Variants in CD86 observed in about 807,000 individuals in gnomAD.
The protein encoded by CD86 is T-lymphocyte activation antigen CD86.
CD86 carries 11 observed loss-of-function variants against 32.1 expected under a neutral mutation model. The observed-to-expected ratio is 0.34, with a 90% CI of 0.22 to 0.57. CD86 has a LOEUF of 0.57. Among genes scored for constraint, CD86 ranks in the 20% least tolerant of loss-of-function variants. The pLI, the probability that CD86 is intolerant of heterozygous loss-of-function variation, is 0.86. For synonymous variants in CD86, 137 were observed against 135.3 expected, an observed-to-expected ratio of 1.01 and a Z score of -0.09; for missense variants, 359 against 398.4, an observed-to-expected ratio of 0.90 and a Z score of 0.84.
chr3:122,060,238 G>A (rs913216769), intron 1 of CD86, among the ~76,000 whole-genome samples: 1 of 152,164 alleles, frequency 6.6e-6, no homozygotes, highest in Non-Finnish European at 1.5e-5. Context: ...GCAGAAAGGC[G>A]AAGTAGGAGA....
chr3:122,064,818 T>C (rs1299271956), intron 1 of CD86, among the ~76,000 whole-genome samples: 1 of 152,178 alleles, frequency 6.6e-6, no homozygotes, highest in Non-Finnish European at 1.5e-5. Context: ...ACTATTATAT[T>C]GGGGCCCAGG....
chr3:122,116,487 C>T (rs2073252825), intron 5 of CD86, among the ~76,000 whole-genome samples: 1 of 152,158 alleles, frequency 6.6e-6, no homozygotes, highest in African/African-American at 2.4e-5. Context: ...TGATAAACAT[C>T]AAGTGTTGGA....
At chr3:122,112,888 A>G (rs1374080398) in intron 5 of CD86, among the ~76,000 whole-genome samples, 1 of 152,176 alleles carries the variant, frequency 6.6e-6, no homozygotes. Context: ...GAACTAAACT[A>G]GGTGGTTTTT....
intron 3 of CD86, among the ~76,000 whole-genome samples, chr3:122,104,897 T>A (rs1261800284): frequency 6.6e-6 from 1 of 152,172 alleles, no homozygotes; most frequent in Non-Finnish European, 1.5e-5. Flanking sequence ...ATGTACAGGT[T>A]TTTGTGTGAA....
At chr3:122,061,641 C>T (rs1160931968) in intron 1 of CD86, among the ~76,000 whole-genome samples, 2 of 152,128 alleles carry the variant, frequency 1.3e-5, no homozygotes. Flanking sequence ...AAAAATTAAA[C>T]CACTACCTAC....
chr3:122,065,972 G>A (rs2072407266), intron 1 of CD86, among the ~76,000 whole-genome samples: 1 of 152,146 alleles, frequency 6.6e-6, no homozygotes, highest in Non-Finnish European at 1.5e-5. Flanking sequence ...GCTGACCCAA[G>A]ATTCTGTTTC....
intron 5 of CD86, among the ~76,000 whole-genome samples, chr3:122,114,491 T>A (rs1264258290): frequency 6.6e-6 from 1 of 152,134 alleles, no homozygotes; most frequent in Admixed American, 6.5e-5. Context: ...CTATGATTGC[T>A]CTAGTTTGCT....
chr3:122,070,539 G>C (rs2072475208), intron 1 of CD86, among the ~76,000 whole-genome samples: 2 of 152,222 alleles, frequency 1.3e-5, no homozygotes, highest in South Asian at 4.1e-4. Flanking sequence ...TGCTTTTAAA[G>C]TACAAGTTAA....
intron 1 of CD86, among the ~76,000 whole-genome samples, chr3:122,058,222 G>GT (rs143810457): frequency 6.6e-6 from 1 of 152,112 alleles, no homozygotes; most frequent in East Asian, 1.9e-4. Flanking sequence ...ATGGAGGAAG[G>GT]TTTTTTCCAG....
intron 5 of CD86, among the ~76,000 whole-genome samples, chr3:122,110,587 C>A (rs557284699): frequency 7.9e-5 from 12 of 152,132 alleles, no homozygotes; most frequent in Non-Finnish European, 1.6e-4. Flanking sequence ...TCAATGCATC[C>A]TGCTGTACTT....
chr3:122,060,857 G>A (rs2072323006), intron 1 of CD86, among the ~76,000 whole-genome samples: 1 of 152,052 alleles, frequency 6.6e-6, no homozygotes, highest in Non-Finnish European at 1.5e-5. Context: ...GGTGAATCTG[G>A]TGAGATAAAG....
rs1397407831 is a variant in CD86, at chr3:122,109,277, C to T, written c.716C>T (p.Pro239Leu). The T allele has an allele frequency of 3.1e-6, 5 of 1,613,432 alleles. No homozygotes were observed. The highest frequency in any genetic ancestry group is 4.2e-6 in the Non-Finnish European group (5 of 1,179,752). The change falls in exon 5 of 7, where the codon CCT becomes CTT. Residue 239 changes from proline to leucine, a missense_variant. Transcript: ENST00000330540. The stretch of plus-strand genomic sequence containing the variant: ...TGGTCATTTGTAGAGCTTGAGGACC[C>T]TCAGCCTCCCCCAGACCACATTCCT... ...SSPFSIELEDPQPPPDHIPWI... is the reference protein window; with the variant it reads ...SSPFSIELEDLQPPPDHIPWI...
chr3:122,100,272 C>T (rs2072978332), intron 2 of CD86, among the ~76,000 whole-genome samples: 1 of 152,180 alleles, frequency 6.6e-6, no homozygotes, highest in Admixed American at 6.5e-5. Flanking sequence ...GAAAGTCAGA[C>T]ACCTCAAAAG....
chr3:122,110,696 G>A (rs577509883), intron 5 of CD86, among the ~76,000 whole-genome samples: 31 of 152,162 alleles, frequency 2.0e-4, no homozygotes, highest in Non-Finnish European at 3.8e-4. Context: ...AGTGTGCTGC[G>A]AGATTTCTAT....
chr3:122,077,716 G>A lies in CD86; in HGVS notation c.15-13885G>A, dbSNP rs530918792. 34 of 972,720 alleles carry A rather than the reference G, an allele frequency of 3.5e-5. No individual in the cohort carries two copies. In the South Asian group the frequency reaches 1.3e-3, roughly 37 times the overall value. The allele number at this position is 972,720 out of a possible 1,614,324, so 60.3% of individuals were successfully genotyped here. ...GGGCTCCCTTTGGGGGTTTCCCAGG[G>A]CTTTACACTCATGCTCCGAGGGTAC... On this transcript the variant is annotated intron_variant, in intron 1 of 6. Coordinates refer to ENST00000330540, the MANE Select transcript of CD86 (RefSeq NM_175862.5).
At chr3:122,063,510 C>T (rs554110083) in intron 1 of CD86, among the ~76,000 whole-genome samples, 6 of 151,368 alleles carry the variant, frequency 4.0e-5, no homozygotes, top group Non-Finnish European at 7.4e-5. Flanking sequence ...AGGCTACATA[C>T]AGAATTGTAA....
intron 2 of CD86, among the ~76,000 whole-genome samples, chr3:122,101,718 A>G (rs1016695150): frequency 6.6e-6 from 1 of 151,934 alleles, no homozygotes; most frequent in African/African-American, 2.4e-5. Flanking sequence ...GACTAAAACC[A>G]GTATTTCCTC....
chr3:122,099,977 T>G (rs2072971993), intron 2 of CD86, among the ~76,000 whole-genome samples: 1 of 152,038 alleles, frequency 6.6e-6, no homozygotes. Flanking sequence ...AAAACCTGGA[T>G]GAATAGGAGG....
intron 2 of CD86, among the ~76,000 whole-genome samples, chr3:122,098,329 G>C (rs1223595956): frequency 6.6e-6 from 1 of 152,188 alleles, no homozygotes; most frequent in African/African-American, 2.4e-5. Context: ...GAGAAGCTAT[G>C]AGACTGTCTG....
Sources: allele counts gnomAD v4.1 joint callset (sites outside exome capture counted in the v4.1 genomes callset), GRCh38; gene constraint gnomAD v4.1.1; transcripts MANE v1.5; gene names NCBI Gene and HGNC (gene_info 2026-07-23, HGNC 2026-07-21).